Variants in NOS1 observed in about 807,000 individuals in gnomAD.
NOS1 encodes nitric oxide synthase 1.
Under a neutral mutation model 164.5 loss-of-function variants are expected in NOS1, and 51 were observed. The ratio of observed to expected loss-of-function variants is 0.31; its 90% CI spans 0.25 to 0.39. The LOEUF (loss-of-function observed/expected upper bound fraction) is 0.39, where lower values mean the gene tolerates loss of function less well. Among genes scored for constraint, NOS1 ranks in the 10% least tolerant of loss-of-function variants. The probability of loss-of-function intolerance (pLI) is 1.00; values close to 1 mark genes in which losing one functional copy is unlikely to be tolerated. For synonymous variants in NOS1, 719 were observed against 745.8 expected, an observed-to-expected ratio of 0.96 and a Z score of 0.59; for missense variants, 1,362 against 1,885.6, an observed-to-expected ratio of 0.72 and a Z score of 5.14.
intron 16 of NOS1, chr12:117,256,183 C>G (rs1020149150): frequency 4.6e-6 from 2 of 432,048 alleles, no homozygotes; most frequent in African/African-American, 4.1e-5. Context: ...AGAACGAGGG[C>G]TGACCACAAA....
chr12:117,279,073 T>C (rs562364711), intron 8 of NOS1, among the ~76,000 whole-genome samples: 22 of 152,070 alleles, frequency 1.4e-4, no homozygotes, highest in South Asian at 1.0e-3. Context: ...ATTATTACTA[T>C]TTCAACATTA....
rs1875526295 is a variant in NOS1 at position 117,331,109 on chromosome 12, A to G, written c.-40T>C. On this transcript the variant is annotated 5_prime_UTR_variant, in exon 2 of 29. Transcript: ENST00000317775. ...GAGGGGTCCTGTCTGAAGACCTCAC[A>G]ATGCTATCAGGCCAAGATGATTTCA... 2 of 1,572,684 alleles carry G rather than the reference A, an allele frequency of 1.3e-6. No individual in the cohort carries two copies. Among genetic ancestry groups the G allele is most frequent in the African/African-American group, 2.7e-5 (2 of 74,168 alleles).
chr12:117,262,766 CT>C (rs9658408), intron 13 of NOS1, among the ~76,000 whole-genome samples: 112,550 of 144,818 alleles, frequency 0.78, 42,710 homozygotes, highest in Non-Finnish European at 0.84. Context: ...GTGGGGTTCT[CT>C]TTTTTTTGGG....
chr12:117,336,524 T>C (rs1200158865), intron 1 of NOS1, among the ~76,000 whole-genome samples: 4 of 152,128 alleles, frequency 2.6e-5, no homozygotes, highest in Admixed American at 1.3e-4. Context: ...AAAGTGCACA[T>C]TGACTTTCAA....
chr12:117,252,175 A>G (rs1270261026), intron 17 of NOS1, among the ~76,000 whole-genome samples: 1 of 152,250 alleles, frequency 6.6e-6, no homozygotes, highest in Non-Finnish European at 1.5e-5. Context: ...GATAAAATTA[A>G]AAACATAATA....
Position 117,227,548 on chromosome 12 carries a change from G to A in NOS1, c.3499C>T (p.Leu1167=), listed in dbSNP as rs965162618. 1 of 1,613,338 alleles carries A rather than the reference G, an allele frequency of 6.2e-7. No individual in the cohort carries two copies. Among genetic ancestry groups the A allele is most frequent in the Admixed American group, 1.7e-5 (1 of 59,922 alleles). ...AGCAGGGACAGCTGGGTCAGGAGCA[G>A]GGTGGCCGGCATCTGGATAGATGGG... ...EFPSIQMPAT[L]LLTQLSLLQP... is the part of the protein sequence containing the mutation. The change falls in exon 23 of 29, where the codon CTG becomes TTG. Residue 1167 remains leucine, a synonymous_variant. Coordinates refer to ENST00000317775, the MANE Select transcript of NOS1 (RefSeq NM_000620.5).
Position 117,269,870 on chromosome 12 carries a change from T to A in NOS1, c.1840-1726A>T, listed in dbSNP as rs1203723437. 2.6e-5 allele frequency among the ~76,000 whole-genome samples: 4 copies of A among 152,270 alleles called. No individual in the cohort carries two copies. The South Asian group carries it at 8.3e-4, about 32-fold the overall frequency. ...CTCTACCCCCAGAGTGGTCATGACCTAGCATCTAGGCCATGGGTGCTCTGA... is the reference window on the plus strand; with the variant it reads ...CTCTACCCCCAGAGTGGTCATGACCAAGCATCTAGGCCATGGGTGCTCTGA... On this transcript the variant is annotated intron_variant, in intron 10 of 28. Coordinates refer to ENST00000317775, the MANE Select transcript of NOS1 (RefSeq NM_000620.5).
rs56709211 is a variant in NOS1, at chr12:117,209,231, G to A, written c.*6078C>T. 0.019 allele frequency: 18,639 copies of A among 984,072 alleles called. 2,229 individuals are homozygous for A. The African/African-American group carries it at 0.25, about 13-fold the overall frequency. The allele number at this position is 984,072 out of a possible 1,614,324, so 61.0% of individuals were successfully genotyped here. A position where few individuals can be genotyped will look rare whatever the true frequency, so the allele number is the denominator to read the frequency against. On this transcript the variant is annotated 3_prime_UTR_variant, in exon 29 of 29. Coordinates refer to ENST00000317775, the MANE Select transcript of NOS1 (RefSeq NM_000620.5). ...GTCCAAGAGAGGGGTGTTGCCCCCT[G>A]GGGACATTGGGCAATGTCTGATGAC... is the stretch of plus-strand genomic sequence containing the variant.
chr12:117,234,717 T>G lies in NOS1; in HGVS notation c.3083A>C (p.Gln1028Pro). Residue 1028 changes from glutamine (Q) to proline (P), a missense_variant, in exon 21 of 29, where the codon CAG (glutamine) becomes CCG (proline). Gln to Pro is a moderately conservative substitution (Grantham distance 76, BLOSUM62 -1). Around this residue, in one of 4 missense-constraint regions of NOS1, gnomAD observed 737 missense variants for 1,030.3 expected, o/e 0.72. Coordinates refer to ENST00000317775, the MANE Select transcript of NOS1 (RefSeq NM_000620.5). This position sits in a 1 kb window ranked among gnomAD's most constrained non-coding sequence, Gnocchi z 4.3. ...IFVRLHTNGS[Q>P]ELQYQPGDHL... The stretch of plus-strand genomic sequence containing the variant: ...GTCCCCAGGCTGGTACTGCAGCTCC[T>G]GGCTCCCGTTGGTGTGGAGACGCAC... 1 of 1,613,764 alleles carries G rather than the reference T, an allele frequency of 6.2e-7. No individual in the cohort carries two copies. The highest frequency in any genetic ancestry group is 8.5e-7 in the Non-Finnish European group (1 of 1,179,786).
At position 117,213,452 on chromosome 12, in the gene NOS1, A is replaced by G; in HGVS notation, c.*1857T>C. The G allele has an allele frequency of 1.0e-6, 1 of 985,504 alleles. No homozygotes were observed. The highest frequency in any genetic ancestry group is 1.7e-5 in the African/African-American group (1 of 57,338). 61.0% of individuals were successfully genotyped at this position (985,504 alleles called of 1,614,324 possible). The stretch of plus-strand genomic sequence containing the variant: ...ATTAAAGGAAGGCAGGGGAGATTAT[A>G]GCTGGCATGAAGTCAAGCTCCATGT... On this transcript the variant is annotated 3_prime_UTR_variant, in exon 29 of 29. Coordinates refer to ENST00000317775, the MANE Select transcript of NOS1 (RefSeq NM_000620.5).
intron 1 of NOS1, among the ~76,000 whole-genome samples, chr12:117,342,321 G>T (rs1876151788): frequency 2.6e-5 from 4 of 152,098 alleles, no homozygotes; most frequent in Admixed American, 6.6e-5. Context: ...GGTAGTTGGA[G>T]ATTAATATTA....
At position 117,209,324 on chromosome 12, in the gene NOS1, C is replaced by G; in HGVS notation, c.*5985G>C. ...TTGTGGATGGAGGCCAGGAATGCTG[C>G]TCAGCTTCCTACAGTACCCAAGACG... On this transcript the variant is annotated 3_prime_UTR_variant, in exon 29 of 29. Transcript: ENST00000317775. The G allele has an allele frequency of 1.0e-6, 1 of 957,988 alleles. No homozygotes were observed. Among genetic ancestry groups the G allele is most frequent in the Non-Finnish European group, 1.2e-6 (1 of 804,954 alleles). 59.3% of individuals were successfully genotyped at this position (957,988 alleles called of 1,614,324 possible). A position where few individuals can be genotyped will look rare whatever the true frequency, so the allele number is the denominator to read the frequency against.
rs1410575633 is a variant in NOS1, at chr12:117,213,316, T to C, written c.*1993A>G. The C allele has an allele frequency of 7.1e-6, 7 of 985,388 alleles. No individual in the cohort carries two copies. The highest frequency in any genetic ancestry group is 7.0e-5 in the African/African-American group (4 of 57,252). The allele number at this position is 985,388 out of a possible 1,614,324, so 61.0% of individuals were successfully genotyped here. On this transcript the variant is annotated 3_prime_UTR_variant, in exon 29 of 29. Transcript: ENST00000317775. ...AAGCTACTAGGAGCTGGAAATGGGT[T>C]TGCAGGAAAGGAGTTTAGAATGGGC...
At chr12:117,309,268 A>G (rs1874311685) in intron 3 of NOS1, 3 of 832,736 alleles carry the variant, frequency 3.6e-6, no homozygotes, top group Non-Finnish European at 4.3e-6. Context: ...ATTTCCAGAT[A>G]TCACTGCTAG....
intron 17 of NOS1, among the ~76,000 whole-genome samples, chr12:117,250,573 C>T (rs1871019787): frequency 2.0e-5 from 3 of 152,176 alleles, no homozygotes; most frequent in African/African-American, 2.4e-5. Flanking sequence ...AGGTGATCCA[C>T]ACACCTTGGC....
chr12:117,301,714 G>C (rs1272288181), intron 3 of NOS1, among the ~76,000 whole-genome samples: 1 of 152,110 alleles, frequency 6.6e-6, no homozygotes, highest in Non-Finnish European at 1.5e-5. Context: ...AATCACATCT[G>C]TCCCATTGAT....
At position 117,210,211 on chromosome 12, in the gene NOS1, C is replaced by T. The variant is rs1254670931; in HGVS notation, c.*5098G>A. On this transcript the variant is annotated 3_prime_UTR_variant, in exon 29 of 29. Coordinates refer to ENST00000317775, the MANE Select transcript of NOS1 (RefSeq NM_000620.5). ...GCCCAAGCTGGTCTCAAACTCCTGGCCCCAAGTGATCCTCCCACCTCAGTC... is the reference window on the plus strand; with the variant it reads ...GCCCAAGCTGGTCTCAAACTCCTGGTCCCAAGTGATCCTCCCACCTCAGTC... The T allele has an allele frequency of 3.7e-6, 3 of 811,928 alleles. No individual in the cohort carries two copies. Among genetic ancestry groups the T allele is most frequent in the Non-Finnish European group, 4.5e-6 (3 of 672,432 alleles). 50.3% of individuals were successfully genotyped at this position (811,928 alleles called of 1,614,324 possible). A position where few individuals can be genotyped will look rare whatever the true frequency, so the allele number is the denominator to read the frequency against.
intron 10 of NOS1, among the ~76,000 whole-genome samples, chr12:117,271,339 G>A (rs934860278): frequency 1.3e-5 from 2 of 151,550 alleles, no homozygotes; most frequent in Admixed American, 6.6e-5. Context: ...GTACAGTGGC[G>A]CAATCTCGGC....
At chr12:117,262,337 A>T (rs1179444082) in intron 13 of NOS1, among the ~76,000 whole-genome samples, 1 of 145,728 alleles carries the variant, frequency 6.9e-6, no homozygotes, top group African/African-American at 2.5e-5. Flanking sequence ...TATCTGAGAT[A>T]TTCTTGTTAG....
Sources: gnomAD v4.1 joint callset for allele counts (sites outside exome capture counted in the v4.1 genomes callset) on GRCh38, gnomAD v4.1.1 for gene constraint, gnomAD v4.1.1 regional missense constraint, Gnocchi (gnomAD v3.1) non-coding constraint, MANE v1.5 for transcripts, NCBI Gene and HGNC (gene_info 2026-07-23, HGNC 2026-07-21) for gene names.